The following KSR2 variants were observed in gnomAD, a reference collection of about 807,000 sequenced individuals.
KSR2 encodes the protein kinase suppressor of ras 2.
A neutral mutation model predicts 107.8 loss-of-function variants in KSR2; 25 were observed. The observed-to-expected ratio is 0.23, with a 90% CI of 0.17 to 0.32. The LOEUF is 0.32. KSR2 is among the 10% of genes least tolerant of loss of function. KSR2 has a pLI of 1.00. For synonymous variants in KSR2, 480 were observed against 507.0 expected, an observed-to-expected ratio of 0.95 and a Z score of 0.71; for missense variants, 887 against 1,268.9, an observed-to-expected ratio of 0.70 and a Z score of 4.57.
chr12:117,455,985 G>A lies in KSR2; in HGVS notation c.*11214C>T, dbSNP rs1263894364. The stretch of plus-strand genomic sequence containing the variant: ...CAGCATGCCTGACATGCCACCATAT[G>A]GGCTTCTGGCCTCTGTGCTCCAAGC... On this transcript the variant is annotated 3_prime_UTR_variant, in exon 20 of 20. Transcript: ENST00000339824. 6.6e-6 allele frequency: 1 copy of A among 152,204 alleles called. No homozygotes were observed. The highest frequency in any genetic ancestry group is 2.4e-5 in the African/African-American group (1 of 41,440). 9.4% of individuals were successfully genotyped at this position (152,204 alleles called of 1,614,324 possible).
chr12:117,809,389 G>A (rs774437597), intron 3 of KSR2, among the ~76,000 whole-genome samples: 10 of 152,210 alleles, frequency 6.6e-5, no homozygotes, highest in Non-Finnish European at 1.0e-4. Flanking sequence ...CTAGAAAGGC[G>A]AAGTAGCACC....
Position 117,492,529 on chromosome 12 carries a change from C to T in KSR2, c.2220-6838G>A, listed in dbSNP as rs145783138. Among the ~76,000 whole-genome samples, 334 of 152,338 alleles carry T rather than the reference C, an allele frequency of 2.2e-3. 3 individuals carry two copies. The highest frequency in any genetic ancestry group is 7.7e-3 in the African/African-American group (319 of 41,576). On this transcript the variant is annotated intron_variant, in intron 14 of 19. Transcript: ENST00000339824. ...CCCACGACCTTGGGGCACACTGCATCTCATGGGGGCACAGGCTCTGCCTCT... is the reference window on the plus strand; with the variant it reads ...CCCACGACCTTGGGGCACACTGCATTTCATGGGGGCACAGGCTCTGCCTCT...
chr12:117,703,766 C>T (rs1403708847), intron 4 of KSR2, among the ~76,000 whole-genome samples: 3 of 152,162 alleles, frequency 2.0e-5, no homozygotes, highest in Non-Finnish European at 4.4e-5. Context: ...CTCTTCCAGA[C>T]CTGCTCTGCC....
At chr12:117,663,307 A>T (rs997945440) in intron 5 of KSR2, among the ~76,000 whole-genome samples, 1 of 152,188 alleles carries the variant, frequency 6.6e-6, no homozygotes, top group Non-Finnish European at 1.5e-5. Context: ...CCAACTGCTT[A>T]AACTCTCTCA....
rs1871137969 is a variant in KSR2, at chr12:117,466,220, C to A, written c.*979G>T. The A allele has an allele frequency of 6.6e-6, 1 of 152,234 alleles. No homozygotes were observed. Among genetic ancestry groups the A allele is most frequent in the Admixed American group, 6.5e-5 (1 of 15,272 alleles). The allele number at this position is 152,234 out of a possible 1,614,324, so 9.4% of individuals were successfully genotyped here. ...ACCCAACATGGACGTACCCCAAGAA[C>A]CCGCATCCACCTTGGTGGGGGAATA... On this transcript the variant is annotated 3_prime_UTR_variant, in exon 20 of 20. Coordinates refer to ENST00000339824, the MANE Select transcript of KSR2 (RefSeq NM_173598.6).
At chr12:117,936,518 TTATTATTATTATTATTAG>T (rs1332782854) in intron 1 of KSR2, among the ~76,000 whole-genome samples, 6 of 39,700 alleles carry the variant, frequency 1.5e-4, no homozygotes, top group African/African-American at 3.8e-4. Context: ...TATTTTATTA[TTATTATTATTATTATTAG>T]TAGTAGTAGT....
At chr12:117,513,879 G>A (rs560506438) in intron 14 of KSR2, among the ~76,000 whole-genome samples, 2 of 152,234 alleles carry the variant, frequency 1.3e-5, no homozygotes. Context: ...TCTGTTTTTT[G>A]AATCTCTTTC....
chr12:117,968,057 T>TTTTA lies in KSR2; in HGVS notation c.180+18_180+19insTAAA. On this transcript the variant is annotated intron_variant, in intron 1 of 19. Transcript: ENST00000339824. ...TTTTTTTTTTTTTTTTTTTTTTTTT[T>TTTTA]CCCGTAGGCAACACCTACCTCCAGG... The TTTTA allele has an allele frequency of 1.4e-6, 1 of 722,680 alleles. No individual in the cohort carries two copies. The highest frequency in any genetic ancestry group is 2.1e-6 in the Non-Finnish European group (1 of 472,708). The allele number at this position is 722,680 out of a possible 1,614,324, so 44.8% of individuals were successfully genotyped here.
Position 117,660,788 on chromosome 12 carries a change from T to C in KSR2, c.1171+6686A>G, listed in dbSNP as rs186403445. 7.4e-4 allele frequency among the ~76,000 whole-genome samples: 113 copies of C among 152,194 alleles called. No homozygotes were observed. The Middle Eastern group carries it at 0.014, about 18-fold the overall frequency. On this transcript the variant is annotated intron_variant, in intron 5 of 19. Coordinates refer to ENST00000339824, the MANE Select transcript of KSR2 (RefSeq NM_173598.6). ...ACATCTGCAAATGAATCATGACAAT[T>C]TGACACACGTGCAGTCCCTTAAGGC...
intron 1 of KSR2, among the ~76,000 whole-genome samples, chr12:117,885,693 G>C (rs889359173): frequency 1.3e-5 from 2 of 151,710 alleles, no homozygotes; most frequent in East Asian, 1.9e-4. Context: ...CAGGGGGCGG[G>C]GGGTAAGGGG....
At chr12:117,537,760 G>C (rs1565889941) in intron 10 of KSR2, among the ~76,000 whole-genome samples, 1 of 152,194 alleles carries the variant, frequency 6.6e-6, no homozygotes, top group Admixed American at 6.5e-5. Context: ...GGAGCAGATG[G>C]GGATAAGGTG....
intron 3 of KSR2, among the ~76,000 whole-genome samples, chr12:117,775,698 G>C (rs76665975): frequency 0.075 from 11,424 of 152,222 alleles, 462 homozygotes; most frequent in East Asian, 0.12. Context: ...AACTGAGACA[G>C]AGAGAGGAGT....
chr12:117,664,923 C>T (rs1034850661), intron 5 of KSR2, among the ~76,000 whole-genome samples: 17 of 152,094 alleles, frequency 1.1e-4, no homozygotes, highest in Admixed American at 1.1e-3. Context: ...AGGCAACCGG[C>T]GGCAACACTG....
At position 117,456,490 on chromosome 12, in the gene KSR2, C is replaced by T. The variant is rs1291290431; in HGVS notation, c.*10709G>A. The T allele has an allele frequency of 1.3e-5, 2 of 152,086 alleles. No individual in the cohort carries two copies. Among genetic ancestry groups the T allele is most frequent in the Non-Finnish European group, 2.9e-5 (2 of 68,048 alleles). The allele number at this position is 152,086 out of a possible 1,614,324, so 9.4% of individuals were successfully genotyped here. On this transcript the variant is annotated 3_prime_UTR_variant, in exon 20 of 20. Transcript: ENST00000339824. Reference sequence around the variant, plus strand: ...GAAAATGGCTAGAATCTTACAGGACCAATACATTACATTTGTTGTCCAGGA... The same window carrying T: ...GAAAATGGCTAGAATCTTACAGGACTAATACATTACATTTGTTGTCCAGGA...
intron 7 of KSR2, among the ~76,000 whole-genome samples, chr12:117,574,041 C>T (rs1879082843): frequency 6.6e-6 from 1 of 152,114 alleles, no homozygotes. Context: ...GTTTTTTAAA[C>T]CACTACTTCT....
chr12:117,760,904 G>T, intron 4 of KSR2, 107 bp downstream of exon 4: 2 of 1,385,500 alleles, frequency 1.4e-6, no homozygotes, highest in Non-Finnish European at 2.0e-6. Flanking sequence ...AGTCTGGAAC[G>T]CAAGTCTGTT....
chr12:117,877,558 T>C (rs539631856), intron 1 of KSR2, among the ~76,000 whole-genome samples: 1 of 152,322 alleles, frequency 6.6e-6, no homozygotes, highest in African/African-American at 2.4e-5. Flanking sequence ...GAGCACTTAC[T>C]ATGTGCTAAG....
chr12:117,924,164 C>T (rs1313605999), intron 1 of KSR2, among the ~76,000 whole-genome samples: 1 of 151,792 alleles, frequency 6.6e-6, no homozygotes, highest in Non-Finnish European at 1.5e-5. Flanking sequence ...AGGCGTGAGC[C>T]ACTGCGCCCG....
At chr12:117,966,116 G>C (rs566625723) in intron 1 of KSR2, among the ~76,000 whole-genome samples, 8 of 152,258 alleles carry the variant, frequency 5.3e-5, no homozygotes, top group African/African-American at 1.9e-4. Flanking sequence ...CATCCCCCCA[G>C]TTTAAAAGGA....
Sources: allele counts gnomAD v4.1 joint callset (sites outside exome capture counted in the v4.1 genomes callset), GRCh38; gene constraint gnomAD v4.1.1; transcripts MANE v1.5; gene names NCBI Gene and HGNC (gene_info 2026-07-23, HGNC 2026-07-21).